Variants in ADGB observed in about 807,000 individuals in gnomAD.
The protein encoded by ADGB is calpain-7-like protein.
A neutral mutation model predicts 210.5 loss-of-function variants in ADGB; 172 were observed. The ratio of observed to expected loss-of-function variants is 0.82; its 90% CI spans 0.72 to 0.93. The LOEUF (loss-of-function observed/expected upper bound fraction) is 0.93, where lower values mean the gene tolerates loss of function less well. Ranked by LOEUF, ADGB falls within the 40% of genes least tolerant of loss-of-function variation. ADGB has a pLI of 0.00. For synonymous variants in ADGB, 658 were observed against 662.7 expected (o/e 0.99, Z 0.11); for missense variants, 2,025 against 1,964.8 (o/e 1.03, Z -0.58).
intron 1 of ADGB, among the ~76,000 whole-genome samples, chr6:146,624,537 A>G (rs995737458): frequency 2.0e-5 from 3 of 151,840 alleles, no homozygotes; most frequent in African/African-American, 4.8e-5. Flanking sequence ...TATATACTCA[A>G]ATAACTGGAT....
chr6:146,635,467 T>C lies in ADGB; in HGVS notation c.167T>C (p.Ile56Thr). 6.5e-7 allele frequency: 1 copy of C among 1,548,292 alleles called. No individual in the cohort carries two copies. The highest frequency in any genetic ancestry group is 8.7e-7 in the Non-Finnish European group (1 of 1,145,152). The part of the protein sequence containing the change: ...PLWPEWSEAD[I>T]NSEKWDAGKG... ...TGGCCAGAGTGGAGTGAAGCTGACATAAATTCAGAAAAGTGGGATGCAGGC... is the reference window on the plus strand; with the variant it reads ...TGGCCAGAGTGGAGTGAAGCTGACACAAATTCAGAAAAGTGGGATGCAGGC... Residue 56 changes from isoleucine (I) to threonine (T), a missense_variant, in exon 2 of 36, where the codon ATA becomes ACA. Transcript: ENST00000397944.
At chr6:146,691,322 A>T in intron 11 of ADGB, 32 bp downstream of exon 11, 1 of 1,486,762 alleles carries the variant, frequency 6.7e-7, no homozygotes. Flanking sequence ...AATCCTTCTA[A>T]TTAATGTATG....
rs11341825 is a variant in ADGB at position 146,600,719 on chromosome 6, A to ATT, written c.74+1615_74+1616dup. ...ATATATTTCACTTTTTAAAAACTACATTTTTTTTTTTCATTTGTCTTCCCA... is the reference window on the plus strand; with the variant it reads ...ATATATTTCACTTTTTAAAAACTACATTTTTTTTTTTTTCATTTGTCTTCCCA... On this transcript the variant is annotated intron_variant, in intron 1 of 35. Coordinates refer to ENST00000397944, the MANE Select transcript of ADGB (RefSeq NM_024694.4). Among the ~76,000 whole-genome samples the ATT allele has an allele frequency of 1.7e-3, 256 of 149,590 alleles. 1 individual carries two copies. The highest frequency in any genetic ancestry group is 1.6e-3 in the Non-Finnish European group (105 of 67,426).
intron 35 of ADGB, among the ~76,000 whole-genome samples, chr6:146,811,439 GT>G (rs1554260293): frequency 2.2e-5 from 2 of 91,546 alleles, no homozygotes; most frequent in Admixed American, 1.1e-4. Context: ...GTCTTTGTGT[GT>G]TTATATATAT....
At chr6:146,774,047 T>G (rs1663082415) in intron 29 of ADGB, among the ~76,000 whole-genome samples, 1 of 152,148 alleles carries the variant, frequency 6.6e-6, no homozygotes, top group Non-Finnish European at 1.5e-5. Flanking sequence ...GGGCTTTGAA[T>G]GGAGAAAAGT....
At chr6:146,635,305 C>G (rs1005005079) in intron 1 of ADGB, 70 bp from the exon 2 acceptor site, 4 of 1,264,882 alleles carry the variant, frequency 3.2e-6, no homozygotes, top group Non-Finnish European at 4.1e-6. Context: ...TTATGTTATG[C>G]AGTTAATCCA....
intron 35 of ADGB, among the ~76,000 whole-genome samples, chr6:146,805,042 A>G (rs995451766): frequency 1.3e-5 from 2 of 152,228 alleles, no homozygotes; most frequent in African/African-American, 4.8e-5. Flanking sequence ...AAAAACAGTA[A>G]AACGGTATTT....
chr6:146,811,248 C>T (rs915333454), intron 35 of ADGB, among the ~76,000 whole-genome samples: 1 of 152,046 alleles, frequency 6.6e-6, no homozygotes, highest in African/African-American at 2.4e-5. Flanking sequence ...GTTTGTTTTA[C>T]AAAATGGCAT....
intron 35 of ADGB, 47 bp downstream of exon 35, chr6:146,802,058 G>A (rs956584496): frequency 2.3e-5 from 29 of 1,266,838 alleles, no homozygotes; most frequent in South Asian, 4.1e-5. Flanking sequence ...AAATTCTTTC[G>A]TAACATTAAA....
At chr6:146,686,410 C>A (rs1364679685) in intron 10 of ADGB, among the ~76,000 whole-genome samples, 1 of 152,008 alleles carries the variant, frequency 6.6e-6, no homozygotes, top group African/African-American at 2.4e-5. Context: ...GCCCTATTAA[C>A]ATTTTGGCAT....
chr6:146,670,910 G>T (rs1224765876), intron 7 of ADGB, among the ~76,000 whole-genome samples: 1 of 152,192 alleles, frequency 6.6e-6, no homozygotes, highest in Non-Finnish European at 1.5e-5. Context: ...TTTAATTCCT[G>T]CAGAGGATAA....
At chr6:146,713,761 C>T (rs1231594700) in intron 13 of ADGB, among the ~76,000 whole-genome samples, 1 of 151,618 alleles carries the variant, frequency 6.6e-6, no homozygotes, top group Admixed American at 6.6e-5. Flanking sequence ...TTTTGATGCT[C>T]AACTTACCTA....
intron 23 of ADGB, among the ~76,000 whole-genome samples, chr6:146,737,473 A>C (rs1777096863): frequency 1.3e-5 from 2 of 152,192 alleles, no homozygotes; most frequent in African/African-American, 2.4e-5. Context: ...GAGTGACAGA[A>C]GGTACAAAGA....
At chr6:146,700,832 A>C in intron 12 of ADGB, 109 bp from the exon 13 acceptor site, 2 of 1,274,836 alleles carry the variant, frequency 1.6e-6, no homozygotes, top group Non-Finnish European at 2.1e-6. Context: ...AGAATGACAA[A>C]TAGAACACAA....
At chr6:146,728,503 G>C in intron 19 of ADGB, 71 bp from the exon 20 acceptor site, 1 of 1,364,102 alleles carries the variant, frequency 7.3e-7, no homozygotes. Flanking sequence ...TATTTTAACA[G>C]ATATTAATTT....
chr6:146,718,329 AGAGT>A (rs1490520261), intron 16 of ADGB, among the ~76,000 whole-genome samples: 1 of 136,868 alleles, frequency 7.3e-6, no homozygotes, highest in African/African-American at 2.7e-5. Context: ...CCTGGGCAAC[AGAGT>A]GAGATTCCAT....
At chr6:146,697,890 A>G (rs1224765350) in intron 12 of ADGB, among the ~76,000 whole-genome samples, 2 of 152,224 alleles carry the variant, frequency 1.3e-5, no homozygotes, top group African/African-American at 4.8e-5. Context: ...ATATAATGCA[A>G]TAAAAGTGAA....
intron 19 of ADGB, 36 bp from the exon 20 acceptor site, chr6:146,728,538 A>T (rs146850401): frequency 3.3e-6 from 5 of 1,537,534 alleles, no homozygotes; most frequent in Non-Finnish European, 4.4e-6. Flanking sequence ...ACACTTAAGG[A>T]TGAGTGAGGA....
intron 33 of ADGB, among the ~76,000 whole-genome samples, chr6:146,799,823 T>C (rs1204782453): frequency 6.6e-6 from 1 of 152,024 alleles, no homozygotes; most frequent in Admixed American, 6.5e-5. Context: ...TTGTTGTTGT[T>C]TTCTGAGACA....
Sources: allele counts gnomAD v4.1 joint callset (sites outside exome capture counted in the v4.1 genomes callset), GRCh38; gene constraint gnomAD v4.1.1; transcripts MANE v1.5; gene names NCBI Gene and HGNC (gene_info 2026-07-23, HGNC 2026-07-21).